The following LRMDA variants were observed in gnomAD, a reference collection of about 807,000 sequenced individuals.
LRMDA encodes leucine-rich melanocyte differentiation-associated protein.
In LRMDA, 18 loss-of-function variants were observed where a neutral mutation model predicts 29.8. The ratio of observed to expected loss-of-function variants is 0.60; its 90% CI spans 0.42 to 0.90. The LOEUF (loss-of-function observed/expected upper bound fraction) is 0.90. Among genes scored for constraint, LRMDA ranks in the 40% least tolerant of loss-of-function variants. The probability of loss-of-function intolerance (pLI) is 0.00; values close to 1 mark genes in which losing one functional copy is unlikely to be tolerated. For synonymous variants in LRMDA, 125 were observed against 109.4 expected (o/e 1.14, Z -0.89); for missense variants, 273 against 273.9 (o/e 1.00, Z 0.02).
At position 76,093,892 on chromosome 10, in the gene LRMDA, T is replaced by A. The variant is rs76128324; in HGVS notation, c.516+35109T>A. Among the ~76,000 whole-genome samples, 1,436 of 152,318 alleles carry A rather than the reference T, an allele frequency of 9.4e-3. 38 individuals carry two copies. The highest frequency in any genetic ancestry group is 0.082 in the East Asian group (423 of 5,184). ...GTTACCTTCTCATTAATAACAGTGGTGTTGATAGCTCATCTTGAGTTTCCT... is the reference window on the plus strand; with the variant it reads ...GTTACCTTCTCATTAATAACAGTGGAGTTGATAGCTCATCTTGAGTTTCCT... On this transcript the variant is annotated intron_variant, in intron 5 of 6. Transcript: ENST00000611255.
At chr10:76,101,845 C>G (rs1849399586) in intron 5 of LRMDA, among the ~76,000 whole-genome samples, 1 of 152,102 alleles carries the variant, frequency 6.6e-6, no homozygotes, top group Admixed American at 6.6e-5. Flanking sequence ...CTATCTAGTT[C>G]TAAACATTTC....
At chr10:76,376,542 C>A (rs893891130) in intron 6 of LRMDA, among the ~76,000 whole-genome samples, 1 of 152,040 alleles carries the variant, frequency 6.6e-6, no homozygotes, top group African/African-American at 2.4e-5. Flanking sequence ...CAAGTGCAGG[C>A]AACTTTTTAA....
At chr10:76,220,317 A>G (rs1343691510) in intron 5 of LRMDA, among the ~76,000 whole-genome samples, 1 of 152,224 alleles carries the variant, frequency 6.6e-6, no homozygotes, top group Non-Finnish European at 1.5e-5. Flanking sequence ...CAAAAAATTA[A>G]TGAATCCAGG....
chr10:76,392,232 G>A (rs1459883605), intron 6 of LRMDA, among the ~76,000 whole-genome samples: 1 of 151,984 alleles, frequency 6.6e-6, no homozygotes, highest in East Asian at 1.9e-4. Flanking sequence ...ATTCACAGTG[G>A]AACAGAAAAG....
chr10:76,157,547 A>G (rs1277313494), intron 5 of LRMDA, among the ~76,000 whole-genome samples: 2 of 152,020 alleles, frequency 1.3e-5, no homozygotes, highest in South Asian at 4.2e-4. Flanking sequence ...CCAGGAGTTC[A>G]AGGCTGCAAT....
At chr10:75,702,708 C>T (rs1291722474) in intron 2 of LRMDA, among the ~76,000 whole-genome samples, 1 of 152,142 alleles carries the variant, frequency 6.6e-6, no homozygotes, top group East Asian at 1.9e-4. Flanking sequence ...AATGTAAAAA[C>T]AAATAAAAGA....
At chr10:75,903,966 A>G (rs541215508) in intron 2 of LRMDA, among the ~76,000 whole-genome samples, 7 of 152,328 alleles carry the variant, frequency 4.6e-5, no homozygotes, top group African/African-American at 1.7e-4. Context: ...TGAAAAGCAA[A>G]AGAAATGGTG....
At chr10:76,431,191 G>A (rs1423032298) in intron 6 of LRMDA, among the ~76,000 whole-genome samples, 1 of 152,188 alleles carries the variant, frequency 6.6e-6, no homozygotes, top group Non-Finnish European at 1.5e-5. Context: ...TTTTCTGAAT[G>A]CTTTAAGTAG....
intron 2 of LRMDA, among the ~76,000 whole-genome samples, chr10:76,014,024 C>T (rs1589289142): frequency 6.7e-6 from 1 of 149,576 alleles, no homozygotes; most frequent in South Asian, 2.1e-4. Context: ...CACATTACAT[C>T]CCATACCATT....
At chr10:76,417,453 A>G (rs753101446) in intron 6 of LRMDA, among the ~76,000 whole-genome samples, 6 of 152,028 alleles carry the variant, frequency 3.9e-5, no homozygotes, top group Non-Finnish European at 7.4e-5. Flanking sequence ...ATGAATTATC[A>G]TGAGCTGTCA....
rs78270665 is a variant in LRMDA at position 76,333,618 on chromosome 10, G to A, written c.601+9133G>A. On this transcript the variant is annotated intron_variant, in intron 6 of 6. Coordinates refer to ENST00000611255, the MANE Select transcript of LRMDA (RefSeq NM_001305581.2). The stretch of plus-strand genomic sequence containing the variant: ...ATGAGGTTGCTGATGGTTTGGTCAC[G>A]AGGGCTCAGGCATCAGAGAAACTGG... 9.1e-4 allele frequency among the ~76,000 whole-genome samples: 138 copies of A among 152,244 alleles called. 1 individual carries two copies. Among genetic ancestry groups the A allele is most frequent in the African/African-American group, 3.3e-3 (136 of 41,552 alleles).
At chr10:76,233,059 G>T (rs1852089773) in intron 5 of LRMDA, among the ~76,000 whole-genome samples, 1 of 152,236 alleles carries the variant, frequency 6.6e-6, no homozygotes, top group Non-Finnish European at 1.5e-5. Context: ...TCTGGTCCAA[G>T]AATTTAACTT....
chr10:75,802,117 G>A (rs1475267134), intron 2 of LRMDA, among the ~76,000 whole-genome samples: 1 of 152,120 alleles, frequency 6.6e-6, no homozygotes, highest in African/African-American at 2.4e-5. Flanking sequence ...AGAAGTTCAA[G>A]ATCAGCCTGG....
intron 6 of LRMDA, among the ~76,000 whole-genome samples, chr10:76,363,146 A>G (rs1315820642): frequency 2.8e-5 from 1 of 36,246 alleles, no homozygotes. Flanking sequence ...AGAAAGAAAG[A>G]AAGAAAGAAA....
intron 5 of LRMDA, among the ~76,000 whole-genome samples, chr10:76,265,940 T>G (rs1479148197): frequency 6.6e-6 from 1 of 152,222 alleles, no homozygotes; most frequent in African/African-American, 2.4e-5. Context: ...AGTAAATTAA[T>G]CATCTGCAAG....
chr10:76,352,831 G>C (rs1306835027), intron 6 of LRMDA, among the ~76,000 whole-genome samples: 3 of 152,032 alleles, frequency 2.0e-5, no homozygotes, highest in Non-Finnish European at 2.9e-5. Context: ...AGGGGAGGTG[G>C]AAGGACCAGC....
chr10:75,593,975 C>T (rs1160110626), intron 2 of LRMDA, among the ~76,000 whole-genome samples: 1 of 152,238 alleles, frequency 6.6e-6, no homozygotes, highest in Non-Finnish European at 1.5e-5. Flanking sequence ...GTGTGCTTGA[C>T]ATCTGATCTC....
intron 6 of LRMDA, among the ~76,000 whole-genome samples, chr10:76,362,001 G>A (rs916478107): frequency 2.0e-5 from 3 of 152,146 alleles, no homozygotes; most frequent in Admixed American, 1.3e-4. Context: ...ATTATTTAAA[G>A]CAGTACTTCT....
chr10:75,917,329 C>T (rs1311161804), intron 2 of LRMDA, among the ~76,000 whole-genome samples: 2 of 152,160 alleles, frequency 1.3e-5, no homozygotes, highest in Non-Finnish European at 2.9e-5. Context: ...CCATCTAGCC[C>T]CAGGCCAAGC....
Sources: allele counts gnomAD v4.1 joint callset (sites outside exome capture counted in the v4.1 genomes callset), GRCh38; gene constraint gnomAD v4.1.1; transcripts MANE v1.5; gene names NCBI Gene and HGNC (gene_info 2026-07-23, HGNC 2026-07-21).